CDH18: variants seen among roughly 807,000 people sequenced by gnomAD.
The protein encoded by CDH18 is cadherin 18, also known as cadherin-18.
Under a neutral mutation model 67.9 loss-of-function variants are expected in CDH18, and 31 were observed. That is an observed-to-expected ratio of 0.46 (90% CI 0.34 to 0.62). The LOEUF (loss-of-function observed/expected upper bound fraction) is 0.62. Among genes scored for constraint, CDH18 ranks in the 20% least tolerant of loss-of-function variants. The probability of loss-of-function intolerance (pLI) is 0.01; values close to 1 mark genes in which losing one functional copy is unlikely to be tolerated. For missense variants in CDH18, 890 were observed against 975.5 expected (o/e 0.91, Z 1.17); for synonymous variants, 362 against 347.2 (o/e 1.04, Z -0.48).
At chr5:19,967,803 C>T (rs1797604376) in intron 2 of CDH18, among the ~76,000 whole-genome samples, 1 of 152,090 alleles carries the variant, frequency 6.6e-6, no homozygotes, top group African/African-American at 2.4e-5. Context: ...CCCTCTCTCA[C>T]CACTCCTATT....
intron 6 of CDH18, among the ~76,000 whole-genome samples, chr5:19,606,343 A>G (rs1748038083): frequency 6.6e-6 from 1 of 152,104 alleles, no homozygotes; most frequent in South Asian, 2.1e-4. Flanking sequence ...AAAAAATGTA[A>G]AAAATGACCC....
intron 1 of CDH18, among the ~76,000 whole-genome samples, chr5:20,278,622 A>G (rs1745990011): frequency 6.6e-6 from 1 of 152,188 alleles, no homozygotes; most frequent in Non-Finnish European, 1.5e-5. Flanking sequence ...ATAATATTGT[A>G]ATTGTGGTGT....
At chr5:20,135,394 T>A (rs1402373084) in intron 2 of CDH18, among the ~76,000 whole-genome samples, 1 of 152,202 alleles carries the variant, frequency 6.6e-6, no homozygotes, top group Non-Finnish European at 1.5e-5. Context: ...GATTATAGTG[T>A]TCTCTGATGG....
intron 1 of CDH18, among the ~76,000 whole-genome samples, chr5:20,458,950 T>C (rs949550846): frequency 6.6e-6 from 1 of 152,216 alleles, no homozygotes; most frequent in Admixed American, 6.5e-5. Flanking sequence ...ATATTCCACA[T>C]AGTTCTTTAC....
In CDH18 at chr5:20,414,710, G is replaced by A. The variant is rs558558283; in HGVS notation, c.-579-159205C>T. Among the ~76,000 whole-genome samples, 658 of 152,276 alleles carry A rather than the reference G, an allele frequency of 4.3e-3. 2 individuals carry two copies. Among genetic ancestry groups the A allele is most frequent in the African/African-American group, 0.015 (634 of 41,554 alleles). ...AGACATAGAAATGGCCAACAGGTAT[G>A]TGAAAAGGTGGTCAACATCACTAAT... On this transcript the variant is annotated intron_variant, in intron 1 of 14. Coordinates refer to the CDH18 transcript ENST00000507958.
At chr5:20,438,796 G>C (rs1749374733) in intron 1 of CDH18, among the ~76,000 whole-genome samples, 1 of 151,190 alleles carries the variant, frequency 6.6e-6, no homozygotes, top group Non-Finnish European at 1.5e-5. Flanking sequence ...CTTTCCACCT[G>C]TTCCACCAAA....
At chr5:20,573,385 A>G (rs1379101952) in intron 1 of CDH18, among the ~76,000 whole-genome samples, 1 of 151,936 alleles carries the variant, frequency 6.6e-6, no homozygotes, top group Non-Finnish European at 1.5e-5. Flanking sequence ...AATATAGCCC[A>G]TAAATAAGTA....
intron 10 of CDH18, among the ~76,000 whole-genome samples, chr5:19,505,884 G>C (rs1215813374): frequency 1.3e-5 from 2 of 152,128 alleles, no homozygotes; most frequent in African/African-American, 4.8e-5. Flanking sequence ...AATAGTTTCA[G>C]AAGGAATGGT....
chr5:20,437,091 G>A (rs1749225443), intron 1 of CDH18, among the ~76,000 whole-genome samples: 1 of 151,286 alleles, frequency 6.6e-6, no homozygotes, highest in African/African-American at 2.4e-5. Context: ...AGACAAAGAA[G>A]GTGACAGATT....
At chr5:19,477,197 G>T (rs1317096335) in intron 12 of CDH18, among the ~76,000 whole-genome samples, 1 of 150,392 alleles carries the variant, frequency 6.6e-6, no homozygotes, top group Non-Finnish European at 1.5e-5. Flanking sequence ...AGTGAAAGGG[G>T]ATGTTGTTCA....
At chr5:19,563,723 GA>G (rs1198940081) in intron 8 of CDH18, among the ~76,000 whole-genome samples, 1 of 152,198 alleles carries the variant, frequency 6.6e-6, no homozygotes, top group African/African-American at 2.4e-5. Context: ...ACACTGAATT[GA>G]AGAACTTTCC....
At chr5:20,174,607 T>G (rs1321759823) in intron 2 of CDH18, among the ~76,000 whole-genome samples, 1 of 152,076 alleles carries the variant, frequency 6.6e-6, no homozygotes, top group Non-Finnish European at 1.5e-5. Context: ...TTGAGAAAAA[T>G]AATAAGCTAT....
chr5:20,235,238 G>A (rs1428840944), intron 2 of CDH18, among the ~76,000 whole-genome samples: 1 of 151,954 alleles, frequency 6.6e-6, no homozygotes, highest in African/African-American at 2.4e-5. Context: ...TTATGGCTAA[G>A]TTCTCAAAAG....
At chr5:19,844,498 T>C (rs977905148) in intron 2 of CDH18, among the ~76,000 whole-genome samples, 1 of 152,224 alleles carries the variant, frequency 6.6e-6, no homozygotes, top group African/African-American at 2.4e-5. Context: ...TGCGGAACTG[T>C]GAGTCAATTA....
rs546062268 is a variant in CDH18, at chr5:20,533,972, TAAGTA to T, written c.-580+41485_-580+41489del. ...TATAAACCAAAAGCTTTTGGGGTCCTAAGTATAGTTAAAATTTTTAAATGTTATTA... is the reference window on the plus strand; with the variant it reads ...TATAAACCAAAAGCTTTTGGGGTCCTTAGTTAAAATTTTTAAATGTTATTA... On this transcript the variant is annotated intron_variant, in intron 1 of 14. Transcript: ENST00000507958. 5.7e-4 allele frequency among the ~76,000 whole-genome samples: 86 copies of T among 152,156 alleles called. 1 individual carries two copies. Among genetic ancestry groups the T allele is most frequent in the African/African-American group, 1.9e-3 (80 of 41,576 alleles).
At chr5:19,545,469 T>C (rs1226770410) in intron 8 of CDH18, among the ~76,000 whole-genome samples, 5 of 152,220 alleles carry the variant, frequency 3.3e-5, no homozygotes, top group African/African-American at 4.8e-5. Flanking sequence ...CAGTGGCTAC[T>C]TTTTATCATA....
intron 2 of CDH18, among the ~76,000 whole-genome samples, chr5:19,872,294 C>T (rs1054000791): frequency 2.0e-5 from 3 of 152,158 alleles, no homozygotes; most frequent in African/African-American, 4.8e-5. Context: ...GAACTACATA[C>T]TTGTATATTC....
At chr5:20,055,620 A>G (rs1301407664) in intron 2 of CDH18, among the ~76,000 whole-genome samples, 1 of 152,208 alleles carries the variant, frequency 6.6e-6, no homozygotes, top group Non-Finnish European at 1.5e-5. Flanking sequence ...AACTAACCCA[A>G]CAACTGGCTT....
In CDH18 at chr5:19,779,749, C is replaced by G. The variant is rs181071255; in HGVS notation, c.229-32513G>C. ...AGGCTGCATAGGGCTTCTTTACAGA[C>G]AAGTGTGTAGAAGATGTTATTACTA... On this transcript the variant is annotated intron_variant, in intron 3 of 12. Transcript: ENST00000382275. Among the ~76,000 whole-genome samples, 130 of 152,190 alleles carry G rather than the reference C, an allele frequency of 8.5e-4. 1 individual carries two copies. Among genetic ancestry groups the G allele is most frequent in the African/African-American group, 2.6e-3 (107 of 41,556 alleles).
Sources: allele counts gnomAD v4.1 joint callset (sites outside exome capture counted in the v4.1 genomes callset), GRCh38; gene constraint gnomAD v4.1.1; transcripts MANE v1.5; gene names NCBI Gene and HGNC (gene_info 2026-07-23, HGNC 2026-07-21).